Variants in SLCO3A1 observed in about 807,000 individuals in gnomAD.
SLCO3A1 encodes the protein solute carrier organic anion transporter family member 3A1, also known as PGE1 transporter.
SLCO3A1 carries 27 observed loss-of-function variants against 63.1 expected under a neutral mutation model. The ratio of observed to expected loss-of-function variants is 0.43; its 90% CI spans 0.32 to 0.59. The LOEUF (loss-of-function observed/expected upper bound fraction) is 0.59, where lower values mean the gene tolerates loss of function less well. SLCO3A1 is among the 20% of genes least tolerant of loss of function. The pLI is 0.09. For missense variants in SLCO3A1, 773 were observed against 945.8 expected (o/e 0.82, Z 2.40); for synonymous variants, 473 against 409.9 (o/e 1.15, Z -1.86).
In SLCO3A1 at chr15:91,950,910, GAA is replaced by G. The variant is rs376861164; in HGVS notation, c.646+34463_646+34464del. 1.4e-5 allele frequency among the ~76,000 whole-genome samples: 2 copies of G among 143,878 alleles called. No individual in the cohort carries two copies. Among genetic ancestry groups the G allele is most frequent in the African/African-American group, 5.1e-5 (2 of 39,176 alleles). 94.4% of individuals were successfully genotyped at this position (143,878 alleles called of 152,430 possible). ...GCTTATATCCAATCTGAGAAAGAAA[GAA>G]AAAAAAAAAAGTATTTCTCTGGCTT... On this transcript the variant is annotated intron_variant, in intron 2 of 9. Transcript: ENST00000318445. This position sits in a 1 kb window ranked among gnomAD's most constrained non-coding sequence, Gnocchi z 4.4.
At chr15:91,914,694 C>T (rs998691865) in intron 1 of SLCO3A1, among the ~76,000 whole-genome samples, 3 of 151,688 alleles carry the variant, frequency 2.0e-5, no homozygotes, top group African/African-American at 7.3e-5. Flanking sequence ...CTCAGCCTTC[C>T]CTGAGTAGCT....
intron 1 of SLCO3A1, among the ~76,000 whole-genome samples, chr15:91,910,599 G>A (rs896999782): frequency 4.6e-5 from 7 of 152,206 alleles, no homozygotes; most frequent in Admixed American, 4.6e-4. Context: ...CCACCACACA[G>A]GTGTGGAAAC....
chr15:91,988,629 G>A (rs2046086073), intron 2 of SLCO3A1, among the ~76,000 whole-genome samples: 1 of 152,066 alleles, frequency 6.6e-6, no homozygotes, highest in Non-Finnish European at 1.5e-5. Context: ...ATCACCTGGA[G>A]GGCTTGTTCC....
At chr15:92,091,215 T>C (rs966394954) in intron 2 of SLCO3A1, among the ~76,000 whole-genome samples, 6 of 152,270 alleles carry the variant, frequency 3.9e-5, no homozygotes, top group Admixed American at 6.5e-5. Context: ...GTAAAGTGCT[T>C]TCAATTATCC....
intron 1 of SLCO3A1, among the ~76,000 whole-genome samples, chr15:91,905,414 C>T (rs1480303449): frequency 6.6e-6 from 1 of 152,196 alleles, no homozygotes; most frequent in African/African-American, 2.4e-5. Flanking sequence ...GCAATCCTCT[C>T]ATACACTTTA....
Position 91,886,345 on chromosome 15 carries a change from C to G in SLCO3A1, c.181-29648C>G, listed in dbSNP as rs1236995939. 6.6e-6 allele frequency among the ~76,000 whole-genome samples: 1 copy of G among 152,172 alleles called. No homozygotes were observed. The highest frequency in any genetic ancestry group is 1.5e-5 in the Non-Finnish European group (1 of 68,036). On this transcript the variant is annotated intron_variant, in intron 1 of 9. Transcript: ENST00000318445. This position sits in a 1 kb window ranked among gnomAD's most constrained non-coding sequence, Gnocchi z 4.9. Reference sequence around the variant, plus strand: ...CTTCTCTTTTAATTGAGATTTCCTTCAAGTCCTCCTTTTAGGCAAGAGCTG... The same window carrying G: ...CTTCTCTTTTAATTGAGATTTCCTTGAAGTCCTCCTTTTAGGCAAGAGCTG...
intron 2 of SLCO3A1, among the ~76,000 whole-genome samples, chr15:92,053,177 GCA>G (rs1237631333): frequency 3.3e-5 from 5 of 152,156 alleles, no homozygotes; most frequent in African/African-American, 1.2e-4. Context: ...AGCAGGACCA[GCA>G]CAGTCTTCTC....
chr15:92,136,978 T>TC (rs1567138860), intron 7 of SLCO3A1, among the ~76,000 whole-genome samples: 1 of 151,924 alleles, frequency 6.6e-6, no homozygotes, highest in Non-Finnish European at 1.5e-5. Flanking sequence ...CTTTTTTTTT[T>TC]TTTTTTAATT....
intron 2 of SLCO3A1, among the ~76,000 whole-genome samples, chr15:91,944,814 G>A (rs534321038): frequency 3.9e-5 from 6 of 152,234 alleles, no homozygotes; most frequent in African/African-American, 1.4e-4. Flanking sequence ...GCACGAGCAG[G>A]CTCCCTCTCT....
At chr15:91,907,857 G>A (rs1597109521) in intron 1 of SLCO3A1, among the ~76,000 whole-genome samples, 1 of 152,144 alleles carries the variant, frequency 6.6e-6, no homozygotes, top group East Asian at 1.9e-4. Flanking sequence ...AAGCCAGGCC[G>A]ACTCTCACTC....
Position 92,048,713 on chromosome 15 carries a change from A to G in SLCO3A1, c.647-46168A>G, listed in dbSNP as rs1174923436. Among the ~76,000 whole-genome samples the G allele has an allele frequency of 1.2e-4, 19 of 152,328 alleles. No homozygotes were observed. The East Asian group carries it at 3.5e-3, about 28-fold the overall frequency. On this transcript the variant is annotated intron_variant, in intron 2 of 9. Coordinates refer to ENST00000318445, the MANE Select transcript of SLCO3A1 (RefSeq NM_013272.4). ...CAGGAGTTCGAGACCAGCCTGGCCA[A>G]CATGGTGAAACCCCATCTCTACTAA...
chr15:91,962,202 G>A (rs569330471), intron 2 of SLCO3A1, among the ~76,000 whole-genome samples: 10 of 152,258 alleles, frequency 6.6e-5, no homozygotes, highest in East Asian at 3.9e-4. Flanking sequence ...CAGAGCGGCC[G>A]TGCACAGTGG....
At chr15:92,028,908 A>AGTGTGTGTGTGTGTGTGT (rs61238614) in intron 2 of SLCO3A1, among the ~76,000 whole-genome samples, 19,221 of 119,822 alleles carry the variant, frequency 0.16, 2,251 homozygotes, top group South Asian at 0.21. Flanking sequence ...TGCAGGCACA[A>AGTGTGTGTGTGTGTGTGT]GTGTGTGTGT....
chr15:91,891,094 C>G (rs1024114448), intron 1 of SLCO3A1, among the ~76,000 whole-genome samples: 12 of 150,490 alleles, frequency 8.0e-5, no homozygotes, highest in Non-Finnish European at 1.8e-4. Context: ...TTGGTAAAGC[C>G]AGCTCAAAGA....
chr15:92,066,613 T>G (rs2047155455), intron 2 of SLCO3A1, among the ~76,000 whole-genome samples: 1 of 151,464 alleles, frequency 6.6e-6, no homozygotes, highest in African/African-American at 2.4e-5. Context: ...GACAGGTTGC[T>G]TATAGAAGCC....
intron 2 of SLCO3A1, among the ~76,000 whole-genome samples, chr15:91,931,628 G>A (rs1225335229): frequency 6.6e-6 from 1 of 151,958 alleles, no homozygotes; most frequent in African/African-American, 2.4e-5. Flanking sequence ...ACACCACTGC[G>A]TCGGGCTAAT....
intron 1 of SLCO3A1, among the ~76,000 whole-genome samples, chr15:91,914,468 T>C (rs1898585445): frequency 1.3e-5 from 2 of 152,178 alleles, no homozygotes; most frequent in African/African-American, 4.8e-5. Flanking sequence ...TGATCTGTAT[T>C]GTGTCTACCT....
intron 2 of SLCO3A1, among the ~76,000 whole-genome samples, chr15:91,997,072 C>T (rs1047351583): frequency 4.6e-5 from 7 of 152,196 alleles, no homozygotes; most frequent in Non-Finnish European, 8.8e-5. Context: ...TCTCTCTTCA[C>T]TCGTGATGTG....
intron 2 of SLCO3A1, among the ~76,000 whole-genome samples, chr15:92,047,593 A>AAATAT (rs1371084750): frequency 0.25 from 1,540 of 6,106 alleles, 431 homozygotes; most frequent in African/African-American, 0.46. Context: ...ATATATATAT[A>AAATAT]ATATATAATA....
Sources: gnomAD v4.1 joint callset for allele counts (sites outside exome capture counted in the v4.1 genomes callset) on GRCh38, gnomAD v4.1.1 for gene constraint, Gnocchi (gnomAD v3.1) non-coding constraint, MANE v1.5 for transcripts, NCBI Gene and HGNC (gene_info 2026-07-23, HGNC 2026-07-21) for gene names.